The following FNTA variants were observed in gnomAD, a reference collection of about 807,000 sequenced individuals.
The protein encoded by FNTA is protein farnesyltransferase/geranylgeranyltransferase type-1 subunit alpha.
FNTA carries 27 observed loss-of-function variants against 55.2 expected under a neutral mutation model. The ratio of observed to expected loss-of-function variants is 0.49; its 90% CI spans 0.36 to 0.67. FNTA has a LOEUF of 0.67. Ranked by LOEUF, FNTA falls within the 30% of genes least tolerant of loss-of-function variation. FNTA has a pLI of 0.00. For missense variants in FNTA, 422 were observed against 464.7 expected (o/e 0.91, Z 0.85); for synonymous variants, 176 against 170.7 (o/e 1.03, Z -0.24).
chr8:43,056,652 C>A, intron 1 of FNTA, 106 bp downstream of exon 1: 7 of 650,216 alleles, frequency 1.1e-5, no homozygotes, highest in Non-Finnish European at 1.5e-5. Flanking sequence ...CCGAAGTTCC[C>A]GTGGCGCCGC....
intron 6 of FNTA, 145 bp downstream of exon 6, chr8:43,077,509 A>G (rs2130567505): frequency 2.2e-6 from 1 of 454,904 alleles, no homozygotes; most frequent in Middle Eastern, 3.1e-4. Flanking sequence ...AGGATGATAG[A>G]TTTACAAATA....
Position 43,084,828 on chromosome 8 carries a change from A to G in FNTA, c.964A>G (p.Met322Val). The change falls in exon 8 of 9, where the codon ATG (methionine) becomes GTG (valine). Residue 322 changes from methionine to valine, a missense_variant. By Grantham distance (21) the Met-to-Val change is conservative. Coordinates refer to ENST00000302279, the MANE Select transcript of FNTA (RefSeq NM_002027.3). ...CTTTCTTGTGGATATCTATGAAGAC[A>G]TGCTAGAAAATCAGTGTGACAATAA... ...IAFLVDIYED[M>V]LENQCDNKED... 2 of 1,614,016 alleles carry G rather than the reference A, an allele frequency of 1.2e-6. No homozygotes were observed. Among genetic ancestry groups the G allele is most frequent in the Non-Finnish European group, 1.7e-6 (2 of 1,179,956 alleles).
intron 5 of FNTA, among the ~76,000 whole-genome samples, chr8:43,073,922 G>C (rs1810852090): frequency 6.6e-6 from 1 of 152,142 alleles, no homozygotes. Context: ...TAATATTTCA[G>C]TTATTTTCAA....
chr8:43,071,710 AAC>A (rs1390198860), intron 4 of FNTA, among the ~76,000 whole-genome samples: 13 of 148,264 alleles, frequency 8.8e-5, no homozygotes, highest in African/African-American at 2.9e-4. Context: ...AAAAAAAAAA[AAC>A]AAAAAAACTC....
chr8:43,084,049 G>T (rs1316573909), intron 7 of FNTA, among the ~76,000 whole-genome samples: 1 of 151,576 alleles, frequency 6.6e-6, no homozygotes, highest in Non-Finnish European at 1.5e-5. Context: ...CCCAGCCTGG[G>T]CGACAAGAGA....
chr8:43,063,871 A>G (rs1810592445), intron 2 of FNTA, among the ~76,000 whole-genome samples: 1 of 152,250 alleles, frequency 6.6e-6, no homozygotes, highest in African/African-American at 2.4e-5. Context: ...GAACTCATGC[A>G]CACACGTAAG....
intron 1 of FNTA, among the ~76,000 whole-genome samples, chr8:43,057,769 C>A (rs1810443861): frequency 6.6e-6 from 1 of 152,086 alleles, no homozygotes; most frequent in Admixed American, 6.6e-5. Context: ...ACTAACCTGG[C>A]CAACATGGTG....
At chr8:43,066,056 C>T (rs1233185078) in intron 3 of FNTA, among the ~76,000 whole-genome samples, 1 of 150,944 alleles carries the variant, frequency 6.6e-6, no homozygotes, top group Non-Finnish European at 1.5e-5. Context: ...CTGATAATTT[C>T]TTCTCTTTCC....
chr8:43,069,441 A>G (rs1203333839), intron 3 of FNTA, 114 bp from the exon 4 acceptor site: 1 of 683,834 alleles, frequency 1.5e-6, no homozygotes, highest in Non-Finnish European at 2.6e-6. Flanking sequence ...AATTATACAG[A>G]TTACCTGCCA....
At chr8:43,068,829 C>CA (rs1281485047) in intron 3 of FNTA, among the ~76,000 whole-genome samples, 1 of 152,210 alleles carries the variant, frequency 6.6e-6, no homozygotes, top group Non-Finnish European at 1.5e-5. Context: ...TCTCCTGCCT[C>CA]AGTCTCCCAG....
Position 43,056,337 on chromosome 8 carries a change from C to G in FNTA, c.-10C>G. ...CCTCCGCCACCACCTCAGCTGCGGACCGAGGCGAGATGGCGGCCACCGAGG... is the reference window on the plus strand; with the variant it reads ...CCTCCGCCACCACCTCAGCTGCGGAGCGAGGCGAGATGGCGGCCACCGAGG... On this transcript the variant is annotated 5_prime_UTR_variant, in exon 1 of 9. Coordinates refer to ENST00000302279, the MANE Select transcript of FNTA (RefSeq NM_002027.3). 1.4e-6 allele frequency: 2 copies of G among 1,408,352 alleles called. No individual in the cohort carries two copies. The highest frequency in any genetic ancestry group is 1.6e-5 in the South Asian group (1 of 64,402). The allele number at this position is 1,408,352 out of a possible 1,614,324, so 87.2% of individuals were successfully genotyped here.
chr8:43,065,205 A>G (rs1810626792), intron 3 of FNTA, among the ~76,000 whole-genome samples: 2 of 151,994 alleles, frequency 1.3e-5, no homozygotes, highest in African/African-American at 4.8e-5. Context: ...CCTCCATCAC[A>G]AATGAGCACT....
rs369055684 is a variant in FNTA, at chr8:43,060,495, C to T, written c.286+1318C>T. The stretch of plus-strand genomic sequence containing the variant: ...TTTGAGACTAGCCTGGCCAACGTGG[C>T]GAAACCCTGTCTCTACTAAAAATAC... On this transcript the variant is annotated intron_variant, in intron 2 of 8. Coordinates refer to ENST00000302279, the MANE Select transcript of FNTA (RefSeq NM_002027.3). Among the ~76,000 whole-genome samples the T allele has an allele frequency of 1.2e-3, 177 of 152,010 alleles. 2 individuals carry two copies. The highest frequency in any genetic ancestry group is 6.8e-3 in the Middle Eastern group (2 of 294).
intron 3 of FNTA, among the ~76,000 whole-genome samples, chr8:43,065,308 T>G (rs935621156): frequency 3.3e-5 from 5 of 151,344 alleles, no homozygotes; most frequent in Non-Finnish European, 7.4e-5. Context: ...AGTGCAGTGG[T>G]GCAATCTTGG....
chr8:43,085,446 A>C lies in FNTA; in HGVS notation c.*164A>C, dbSNP rs1811108656. On this transcript the variant is annotated 3_prime_UTR_variant, in exon 9 of 9. Coordinates refer to ENST00000302279, the MANE Select transcript of FNTA (RefSeq NM_002027.3). ...TGCTCCTTGGGTGCTGCTGCTACTCAGACTAGCTCTAAGTAATGTGATTCT... is the reference window on the plus strand; with the variant it reads ...TGCTCCTTGGGTGCTGCTGCTACTCCGACTAGCTCTAAGTAATGTGATTCT... 1.6e-6 allele frequency: 1 copy of C among 623,240 alleles called. No individual in the cohort carries two copies. Among genetic ancestry groups the C allele is most frequent in the African/African-American group, 1.9e-5 (1 of 52,112 alleles). The allele number at this position is 623,240 out of a possible 1,614,324, so 38.6% of individuals were successfully genotyped here. A position where few individuals can be genotyped will look rare whatever the true frequency, so the allele number is the denominator to read the frequency against.
rs1435392506 is a variant in FNTA, at chr8:43,084,766, A to T, written c.902A>T (p.Asp301Val). Reference sequence around the variant, plus strand: ...CCTAATCTGTTAAATCAATTACTTGATTTACAACCAAGTCATAGTTCCCCC... The same window carrying T: ...CCTAATCTGTTAAATCAATTACTTGTTTTACAACCAAGTCATAGTTCCCCC... ...KYPNLLNQLL[D>V]LQPSHSSPYL... is the part of the protein sequence containing the mutation. The change falls in exon 8 of 9, where the codon GAT becomes GTT. Residue 301 changes from aspartate to valine, a missense_variant. Around this residue, in one of 2 missense-constraint regions of FNTA, gnomAD observed 262 missense variants for 343.1 expected, o/e 0.76. Transcript: ENST00000302279. The T allele has an allele frequency of 1.2e-6, 2 of 1,612,806 alleles. No homozygotes were observed. The highest frequency in any genetic ancestry group is 1.7e-6 in the Non-Finnish European group (2 of 1,179,080).
intron 1 of FNTA, chr8:43,056,823 C>G (rs1371418584): frequency 1.2e-5 from 2 of 163,558 alleles, no homozygotes; most frequent in African/African-American, 2.4e-5. Context: ...TGCACTCGTT[C>G]AGCTGTTCAG....
At chr8:43,080,764 A>G (rs1051426288) in intron 6 of FNTA, 2 of 152,358 alleles carry the variant, frequency 1.3e-5, no homozygotes, top group East Asian at 1.9e-4. Context: ...CACATACAAA[A>G]CATTTGCATC....
chr8:43,075,051 CTG>C (rs1810878514), intron 5 of FNTA, among the ~76,000 whole-genome samples: 1 of 152,300 alleles, frequency 6.6e-6, no homozygotes. Flanking sequence ...ACACAGGGCA[CTG>C]TGTTATTTTT....
Sources: allele counts gnomAD v4.1 joint callset (sites outside exome capture counted in the v4.1 genomes callset), GRCh38; gene constraint gnomAD v4.1.1; regional missense constraint gnomAD v4.1.1; transcripts MANE v1.5; gene names NCBI Gene and HGNC (gene_info 2026-07-23, HGNC 2026-07-21).